The following SGCD variants were observed in gnomAD, a reference collection of about 807,000 sequenced individuals.
SGCD encodes the protein delta-sarcoglycan.
Under a neutral mutation model 36.6 loss-of-function variants are expected in SGCD, and 18 were observed. The ratio of observed to expected loss-of-function variants is 0.49; its 90% CI spans 0.34 to 0.73. SGCD has a LOEUF of 0.73. Ranked by LOEUF, SGCD falls within the 30% of genes least tolerant of loss-of-function variation. The probability of loss-of-function intolerance (pLI) is 0.01; values close to 1 mark genes in which losing one functional copy is unlikely to be tolerated. For missense variants in SGCD, 387 were observed against 346.7 expected, an observed-to-expected ratio of 1.12 and a Z score of -0.92; for synonymous variants, 133 against 130.6, an observed-to-expected ratio of 1.02 and a Z score of -0.12.
chr5:155,810,083 A>C, the SGCD span, among the ~76,000 whole-genome samples: 2 of 152,226 alleles, frequency 1.3e-5, no homozygotes, highest in African/African-American at 4.8e-5. Context: ...CTTTAATTAG[A>C]TGTAATGAAC....
intron 4 of SGCD, among the ~76,000 whole-genome samples, chr5:156,569,621 T>C (rs1274812498): frequency 1.4e-5 from 2 of 143,954 alleles, no homozygotes; most frequent in East Asian, 4.0e-4. Flanking sequence ...AAAAAAAAAA[T>C]AGACAATCAG....
chr5:156,344,362 C>A, intron 2 of SGCD, 127 bp from the exon 3 acceptor site: 1 of 622,866 alleles, frequency 1.6e-6, no homozygotes, highest in South Asian at 2.4e-5. Flanking sequence ...TTAGAGTTGT[C>A]AGAGGGTATA....
intron 3 of SGCD, among the ~76,000 whole-genome samples, chr5:156,404,706 A>G (rs1317068257): frequency 6.6e-6 from 1 of 152,210 alleles, no homozygotes; most frequent in Admixed American, 6.5e-5. Flanking sequence ...GATGGAAAAA[A>G]TGGGTTTGCT....
chr5:156,467,022 C>T (rs565149778), intron 3 of SGCD, among the ~76,000 whole-genome samples: 24 of 152,136 alleles, frequency 1.6e-4, no homozygotes, highest in African/African-American at 2.6e-4. Flanking sequence ...GAGGGCCAGA[C>T]GGTATTTTAG....
intron 6 of SGCD, among the ~76,000 whole-genome samples, chr5:156,606,113 C>T (rs1761436756): frequency 6.6e-6 from 1 of 152,148 alleles, no homozygotes; most frequent in African/African-American, 2.4e-5. Context: ...GACATGAAGT[C>T]CTTGCCCATG....
At chr5:155,993,565 G>A (rs1309290479) in intron 1 of SGCD, among the ~76,000 whole-genome samples, 4 of 152,040 alleles carry the variant, frequency 2.6e-5, no homozygotes, top group Admixed American at 1.3e-4. Flanking sequence ...GACTGGTCTC[G>A]AACTCCTGGC....
chr5:156,030,293 G>A (rs1759317154), intron 1 of SGCD, among the ~76,000 whole-genome samples: 1 of 152,210 alleles, frequency 6.6e-6, no homozygotes, highest in Admixed American at 6.5e-5. Context: ...CTTTGCAGAT[G>A]TAATCAAGTT....
chr5:155,850,335 G>A, the SGCD span, among the ~76,000 whole-genome samples: 1 of 152,244 alleles, frequency 6.6e-6, no homozygotes, highest in East Asian at 1.9e-4. Flanking sequence ...AAAATGCTCA[G>A]AGAGGGATAA....
chr5:156,082,866 T>A (rs1760994480), intron 1 of SGCD, among the ~76,000 whole-genome samples: 1 of 152,250 alleles, frequency 6.6e-6, no homozygotes, highest in Non-Finnish European at 1.5e-5. Context: ...TGTGCTATTT[T>A]ATAATTCTGC....
At chr5:155,785,935 A>G in the SGCD span, among the ~76,000 whole-genome samples, 2 of 152,122 alleles carry the variant, frequency 1.3e-5, no homozygotes, top group African/African-American at 4.8e-5. Context: ...TTTACCATAT[A>G]CTTTTCCCAT....
intron 1 of SGCD, among the ~76,000 whole-genome samples, chr5:155,989,118 G>A (rs1431347092): frequency 6.6e-6 from 1 of 152,098 alleles, no homozygotes; most frequent in Non-Finnish European, 1.5e-5. Context: ...TCCATTTCGG[G>A]ACTTGTAGCA....
intron 6 of SGCD, among the ~76,000 whole-genome samples, chr5:156,621,471 G>T (rs1041369554): frequency 6.6e-6 from 1 of 152,086 alleles, no homozygotes; most frequent in Non-Finnish European, 1.5e-5. Flanking sequence ...GATTACAGGC[G>T]TGAGCTACCA....
intron 3 of SGCD, among the ~76,000 whole-genome samples, chr5:156,144,301 A>T (rs1353271222): frequency 6.6e-6 from 1 of 152,050 alleles, no homozygotes; most frequent in Admixed American, 6.6e-5. Context: ...TAGATCCCTG[A>T]GGAATCGCCA....
intron 3 of SGCD, among the ~76,000 whole-genome samples, chr5:156,349,858 A>T (rs1336798288): frequency 1.3e-5 from 2 of 152,206 alleles, no homozygotes; most frequent in East Asian, 1.9e-4. Context: ...CCCCATGAAC[A>T]GGTGAGTGGA....
At chr5:156,630,591 G>T (rs1762596763) in intron 6 of SGCD, among the ~76,000 whole-genome samples, 1 of 152,202 alleles carries the variant, frequency 6.6e-6, no homozygotes, top group South Asian at 2.1e-4. Flanking sequence ...TCCTCAAGTT[G>T]TTAGTTGCTT....
At chr5:155,909,944 A>T (rs1419807271) in intron 1 of SGCD, among the ~76,000 whole-genome samples, 2 of 152,130 alleles carry the variant, frequency 1.3e-5, no homozygotes, top group Non-Finnish European at 2.9e-5. Flanking sequence ...TACTGTTTTA[A>T]TAGTCTGGGA....
At chr5:156,498,245 A>AC (rs947160386) in intron 3 of SGCD, among the ~76,000 whole-genome samples, 1 of 142,008 alleles carries the variant, frequency 7.0e-6, no homozygotes, top group African/African-American at 2.7e-5. Flanking sequence ...TTTTCTGTGA[A>AC]CGTCATATTT....
chr5:156,452,890 T>G (rs923976115), intron 3 of SGCD, among the ~76,000 whole-genome samples: 2 of 152,160 alleles, frequency 1.3e-5, no homozygotes, highest in African/African-American at 2.4e-5. Context: ...AAGACCCTAA[T>G]TAATAGGAAT....
At position 156,552,046 on chromosome 5, in the gene SGCD, G is replaced by T. The variant is rs531785851; in HGVS notation, c.295-37185G>T. 1.6e-4 allele frequency among the ~76,000 whole-genome samples: 24 copies of T among 152,268 alleles called. No individual in the cohort carries two copies. In the South Asian group the frequency reaches 5.0e-3, roughly 32 times the overall value. On this transcript the variant is annotated intron_variant, in intron 4 of 8. Transcript: ENST00000337851. ...CTTAAGGAAGGGTAGCATCTGTTAT[G>T]TACTGCCCAGGCCTTTGTCCATAGC...
Sources: allele counts gnomAD v4.1 joint callset (sites outside exome capture counted in the v4.1 genomes callset), GRCh38; gene constraint gnomAD v4.1.1; transcripts MANE v1.5; gene names NCBI Gene and HGNC (gene_info 2026-07-23, HGNC 2026-07-21).